KCNH8: variants seen among roughly 807,000 people sequenced by gnomAD.
KCNH8 encodes potassium voltage-gated channel subfamily H member 8.
In KCNH8, 70 loss-of-function variants were observed where a neutral mutation model predicts 103.6. The observed-to-expected ratio is 0.68, with a 90% CI of 0.56 to 0.82. The LOEUF is 0.82. Ranked by LOEUF, KCNH8 falls within the 40% of genes least tolerant of loss-of-function variation. The pLI is 0.00. For missense variants in KCNH8, 1,217 were observed against 1,329.9 expected (o/e 0.92, Z 1.32); for synonymous variants, 498 against 489.4 (o/e 1.02, Z -0.23).
At position 19,408,017 on chromosome 3, in the gene KCNH8, C is replaced by T. The variant is rs926992026; in HGVS notation, c.1177+12706C>T. ...GCCCTACCCTTCATGGCTCCCACCC[C>T]TTGGAGAGTGAGCAGAGAGTTCAGA... On this transcript the variant is annotated intron_variant, in intron 7 of 15. Coordinates refer to ENST00000328405, the MANE Select transcript of KCNH8 (RefSeq NM_144633.3). Among the ~76,000 whole-genome samples, 6 of 152,108 alleles carry T rather than the reference C, an allele frequency of 3.9e-5. 1 individual carries two copies. The highest frequency in any genetic ancestry group is 3.9e-4 in the Admixed American group (6 of 15,266).
At chr3:19,430,327 T>TAG (rs2067100990) in intron 7 of KCNH8, among the ~76,000 whole-genome samples, 1 of 152,214 alleles carries the variant, frequency 6.6e-6, no homozygotes, top group East Asian at 1.9e-4. Flanking sequence ...TTTGTCTGTG[T>TAG]GCCTATTCTT....
chr3:19,533,609 C>A lies in KCNH8; in HGVS notation c.2834C>A (p.Thr945Asn), dbSNP rs1445482402. 1.2e-6 allele frequency: 2 copies of A among 1,614,162 alleles called. No homozygotes were observed. Among genetic ancestry groups the A allele is most frequent in the Non-Finnish European group, 1.7e-6 (2 of 1,180,018 alleles). Residue 945 changes from threonine (T) to asparagine (N), a missense_variant, in exon 16 of 16, where the codon ACC becomes AAC. This residue lies in a region of KCNH8 where 558 missense variants were observed against 495.8 expected (regional missense o/e 1.13). Transcript: ENST00000328405. ...LHLQTGGAAY[T>N]QAQLCSSNIT... is the part of the protein sequence containing the mutation. ...TTGCAAACAGGCGGGGCTGCTTATA[C>A]CCAAGCACAACTTTGTAGCAGTAAT...
Position 19,241,713 on chromosome 3 carries a change from TACAC to T in KCNH8, c.77-11935_77-11932del, listed in dbSNP as rs566476894. Among the ~76,000 whole-genome samples, 546 of 134,498 alleles carry T rather than the reference TACAC, an allele frequency of 4.1e-3. 2 individuals carry two copies. Among genetic ancestry groups the T allele is most frequent in the African/African-American group, 0.014 (493 of 34,876 alleles). The allele number at this position is 134,498 out of a possible 152,430, so 88.2% of individuals were successfully genotyped here. On this transcript the variant is annotated intron_variant, in intron 1 of 15. Coordinates refer to ENST00000328405, the MANE Select transcript of KCNH8 (RefSeq NM_144633.3). ...CTCAGGTAATATTCAGTTATAAAAA[TACAC>T]ACACAGACACACACACACACACACA...
At chr3:19,180,565 C>A (rs17054) in intron 1 of KCNH8, among the ~76,000 whole-genome samples, 3,312 of 152,174 alleles carry the variant, frequency 0.022, 78 homozygotes, top group Non-Finnish European at 0.038. Flanking sequence ...TGCCTTATTT[C>A]GGGCAGGTTC....
At position 19,515,423 on chromosome 3, in the gene KCNH8, T is replaced by C; in HGVS notation, c.2537T>C (p.Leu846Pro). 1 of 1,508,580 alleles carries C rather than the reference T, an allele frequency of 6.6e-7. No homozygotes were observed. Among genetic ancestry groups the C allele is most frequent in the Non-Finnish European group, 9.0e-7 (1 of 1,115,512 alleles). 93.4% of individuals were successfully genotyped at this position (1,508,580 alleles called of 1,614,324 possible). ...IRSEPRISPP[L>P]GDPEIGAAVL... ...TCAGAGCCCAGAATTTCTCCTCCTC[T>C]TGGAGGTAAGATCTATATTTAGTCT... Residue 846 changes from leucine (L) to proline (P), a missense_variant, in exon 14 of 16, where the codon CTT becomes CCT. Coordinates refer to ENST00000328405, the MANE Select transcript of KCNH8 (RefSeq NM_144633.3).
At chr3:19,484,893 G>A (rs1215306495) in intron 11 of KCNH8, among the ~76,000 whole-genome samples, 2 of 152,136 alleles carry the variant, frequency 1.3e-5, no homozygotes, top group Non-Finnish European at 2.9e-5. Context: ...CTGTAGTATA[G>A]GAGGAGGCCT....
intron 11 of KCNH8, among the ~76,000 whole-genome samples, chr3:19,492,112 C>A (rs781039095): frequency 3.3e-5 from 5 of 152,006 alleles, no homozygotes; most frequent in Non-Finnish European, 5.9e-5. Flanking sequence ...TATTTTATCC[C>A]ATTTTGTCAG....
chr3:19,457,128 A>G, intron 11 of KCNH8, 146 bp downstream of exon 11: 1 of 562,590 alleles, frequency 1.8e-6, no homozygotes, highest in South Asian at 2.8e-5. Context: ...TTAAGCAATT[A>G]AATAATTAGC....
chr3:19,419,253 G>A (rs1391206872), intron 7 of KCNH8, among the ~76,000 whole-genome samples: 1 of 139,270 alleles, frequency 7.2e-6, no homozygotes, highest in South Asian at 2.3e-4. Context: ...AGGCTGGAGT[G>A]CAGTGGCGCG....
intron 1 of KCNH8, among the ~76,000 whole-genome samples, chr3:19,173,481 A>C (rs1337014355): frequency 6.6e-6 from 1 of 152,204 alleles, no homozygotes; most frequent in Non-Finnish European, 1.5e-5. Context: ...AGAACTATTT[A>C]ATTTTTCTTT....
At chr3:19,229,150 G>A (rs563733489) in intron 1 of KCNH8, among the ~76,000 whole-genome samples, 34 of 152,174 alleles carry the variant, frequency 2.2e-4, no homozygotes, top group Non-Finnish European at 4.1e-4. Flanking sequence ...ACTTCTGTCT[G>A]TAGTTTACTA....
At chr3:19,436,201 G>A (rs1488517727) in intron 7 of KCNH8, among the ~76,000 whole-genome samples, 1 of 151,750 alleles carries the variant, frequency 6.6e-6, no homozygotes, top group Admixed American at 6.6e-5. Context: ...GATACCTTTT[G>A]TTTTTATCAT....
chr3:19,362,297 T>C (rs1444930228), intron 5 of KCNH8, among the ~76,000 whole-genome samples: 1 of 152,090 alleles, frequency 6.6e-6, no homozygotes, highest in Non-Finnish European at 1.5e-5. Context: ...TTTAAAAATG[T>C]GTTAAACATT....
At chr3:19,520,307 A>C (rs2068949958) in intron 15 of KCNH8, among the ~76,000 whole-genome samples, 1 of 151,896 alleles carries the variant, frequency 6.6e-6, no homozygotes, top group South Asian at 2.1e-4. Context: ...TCAAGGTCCA[A>C]CTATTCTTTC....
intron 2 of KCNH8, among the ~76,000 whole-genome samples, chr3:19,273,037 A>G (rs550894367): frequency 6.6e-6 from 1 of 152,306 alleles, no homozygotes; most frequent in South Asian, 2.1e-4. Flanking sequence ...ATTGCTTGCA[A>G]TGTAATTTCC....
intron 5 of KCNH8, among the ~76,000 whole-genome samples, chr3:19,382,846 T>C (rs892864514): frequency 2.6e-5 from 4 of 152,092 alleles, no homozygotes; most frequent in Non-Finnish European, 5.9e-5. Flanking sequence ...CAGTGGGATA[T>C]AGTGTAAAGT....
chr3:19,469,858 G>C (rs1201509373), intron 11 of KCNH8, among the ~76,000 whole-genome samples: 1 of 152,096 alleles, frequency 6.6e-6, no homozygotes, highest in African/African-American at 2.4e-5. Context: ...TAAGATGACA[G>C]CTTCATTCCC....
chr3:19,500,473 C>A (rs1430654709), intron 11 of KCNH8, among the ~76,000 whole-genome samples: 1 of 143,644 alleles, frequency 7.0e-6, no homozygotes, highest in Admixed American at 6.8e-5. Context: ...CCCAAATCAA[C>A]AGAATATACA....
intron 3 of KCNH8, among the ~76,000 whole-genome samples, chr3:19,308,738 CTCTCT>C (rs2065169261): frequency 1.2e-5 from 1 of 81,758 alleles, no homozygotes; most frequent in African/African-American, 6.6e-5. Flanking sequence ...CCCTCTCTCC[CTCTCT>C]CCCTCTCTCC....
Sources: allele counts gnomAD v4.1 joint callset (sites outside exome capture counted in the v4.1 genomes callset), GRCh38; gene constraint gnomAD v4.1.1; regional missense constraint gnomAD v4.1.1; transcripts MANE v1.5; gene names NCBI Gene and HGNC (gene_info 2026-07-23, HGNC 2026-07-21).